Variants in BIN3 observed in about 807,000 individuals in gnomAD.
BIN3 encodes the protein bridging integrator 3.
BIN3 carries 41 observed loss-of-function variants against 38.2 expected under a neutral mutation model. The ratio of observed to expected loss-of-function variants is 1.07; its 90% confidence interval spans 0.84 to 1.39. BIN3 has a LOEUF of 1.39. BIN3 is among the 40% of genes most tolerant of loss of function. BIN3 has a pLI of 0.00. For missense variants in BIN3, 361 were observed against 324.3 expected (o/e 1.11, Z -0.87); for synonymous variants, 145 against 122.6 (o/e 1.18, Z -1.21).
At chr8:22,639,873 T>C (rs1196077497) in intron 2 of BIN3, among the ~76,000 whole-genome samples, 1 of 151,910 alleles carries the variant, frequency 6.6e-6, no homozygotes, top group African/African-American at 2.4e-5. Flanking sequence ...TTTTTTTTTT[T>C]CTTTTGAGGC....
intron 1 of BIN3, among the ~76,000 whole-genome samples, chr8:22,645,089 A>T (rs753745351): frequency 3.3e-5 from 5 of 152,062 alleles, no homozygotes; most frequent in Non-Finnish European, 7.4e-5. Context: ...AGGTGAGGCC[A>T]AGGAGTTTGA....
intron 6 of BIN3, among the ~76,000 whole-genome samples, chr8:22,628,001 T>A (rs1802059095): frequency 6.6e-6 from 1 of 152,226 alleles, no homozygotes; most frequent in African/African-American, 2.4e-5. Context: ...GCCCAATTCT[T>A]GTCTGTCCTA....
intron 1 of BIN3, among the ~76,000 whole-genome samples, chr8:22,645,321 A>C (rs560478594): frequency 4.1e-4 from 63 of 152,122 alleles, no homozygotes; most frequent in Non-Finnish European, 6.8e-4. Flanking sequence ...ACAAAAAAAC[A>C]ACCACCAAAA....
chr8:22,668,868 G>C (rs376484040), intron 1 of BIN3, among the ~76,000 whole-genome samples, 176 bp downstream of exon 1: 1 of 152,254 alleles, frequency 6.6e-6, no homozygotes, highest in Non-Finnish European at 1.5e-5. Context: ...CCTGCTGAGA[G>C]ACTGCGACTC....
chr8:22,634,815 TG>T (rs1416551812), intron 4 of BIN3, among the ~76,000 whole-genome samples: 1 of 151,846 alleles, frequency 6.6e-6, no homozygotes, highest in Admixed American at 6.6e-5. Flanking sequence ...AAGGAATGAG[TG>T]GGGCATGGGG....
chr8:22,640,178 TCTTC>T (rs988725717), intron 2 of BIN3, among the ~76,000 whole-genome samples: 4 of 147,702 alleles, frequency 2.7e-5, no homozygotes, highest in African/African-American at 7.9e-5. Flanking sequence ...GACACATCCT[TCTTC>T]TTCTTTTTTT....
intron 1 of BIN3, among the ~76,000 whole-genome samples, chr8:22,660,131 A>G (rs561934388): frequency 2.6e-5 from 4 of 152,352 alleles, no homozygotes; most frequent in Admixed American, 2.6e-4. Context: ...GATTTTGACA[A>G]AAGTGTGGAG....
rs1009687155 is a variant in BIN3, at chr8:22,621,056, G to C, written c.*366C>G. The C allele has an allele frequency of 1.1e-5, 2 of 189,960 alleles. No homozygotes were observed. Among genetic ancestry groups the C allele is most frequent in the African/African-American group, 2.4e-5 (1 of 42,538 alleles). 11.8% of individuals were successfully genotyped at this position (189,960 alleles called of 1,614,324 possible). A position where few individuals can be genotyped will look rare whatever the true frequency, so the allele number is the denominator to read the frequency against. ...GGCTCCCCAGGATGGGTCTTTTGGA[G>C]GTAGATTTGATGCCCACAACGCATG... is the stretch of plus-strand genomic sequence containing the variant. On this transcript the variant is annotated 3_prime_UTR_variant, in exon 9 of 9. Transcript: ENST00000276416.
intron 4 of BIN3, among the ~76,000 whole-genome samples, chr8:22,632,507 CTG>C (rs1424413307): frequency 5.9e-5 from 9 of 152,100 alleles, no homozygotes; most frequent in African/African-American, 2.2e-4. Flanking sequence ...TGGAGTGACT[CTG>C]TAGATTTAGG....
At chr8:22,649,859 C>CACACATA (rs1563973928) in intron 1 of BIN3, among the ~76,000 whole-genome samples, 1 of 133,592 alleles carries the variant, frequency 7.5e-6, no homozygotes, top group Non-Finnish European at 1.5e-5. Context: ...ACACACACAC[C>CACACATA]CCCAAAGGAA....
intron 6 of BIN3, chr8:22,625,379 G>A (rs1220709606): frequency 1.4e-6 from 1 of 702,582 alleles, no homozygotes; most frequent in South Asian, 1.5e-5. Context: ...GTGGCCATTC[G>A]GAGGTGACCC....
intron 6 of BIN3, 77 bp from the exon 7 acceptor site, chr8:22,624,440 G>A (rs1484080891): frequency 1.3e-6 from 2 of 1,549,636 alleles, no homozygotes; most frequent in African/African-American, 2.7e-5. Context: ...CTCTTGGAGG[G>A]GTGGCCTGGC....
intron 1 of BIN3, among the ~76,000 whole-genome samples, chr8:22,645,182 A>G (rs1802677823): frequency 1.3e-5 from 2 of 149,358 alleles, no homozygotes; most frequent in South Asian, 4.2e-4. Context: ...AAAAAAAAAA[A>G]TCCGCTGGGT....
chr8:22,661,539 G>C (rs1803238430), intron 1 of BIN3, among the ~76,000 whole-genome samples: 1 of 151,260 alleles, frequency 6.6e-6, no homozygotes. Flanking sequence ...TGTATTTTTA[G>C]TAGAGATGGG....
chr8:22,647,378 C>G (rs1585195601), intron 1 of BIN3, among the ~76,000 whole-genome samples: 1 of 152,252 alleles, frequency 6.6e-6, no homozygotes, highest in East Asian at 1.9e-4. Flanking sequence ...CAACCCTCTC[C>G]TTTTGTAGAT....
At chr8:22,651,549 T>C (rs1397585539) in intron 1 of BIN3, among the ~76,000 whole-genome samples, 1 of 152,212 alleles carries the variant, frequency 6.6e-6, no homozygotes, top group Non-Finnish European at 1.5e-5. Flanking sequence ...TAAAACCTTG[T>C]TCTTCTACCT....
At chr8:22,661,118 C>T (rs1385992749) in intron 1 of BIN3, among the ~76,000 whole-genome samples, 2 of 152,126 alleles carry the variant, frequency 1.3e-5, no homozygotes, top group African/African-American at 4.8e-5. Context: ...CTCCTGGACT[C>T]AAGCGATCCT....
chr8:22,629,146 A>G (rs1802099055), intron 6 of BIN3, among the ~76,000 whole-genome samples: 1 of 152,228 alleles, frequency 6.6e-6, no homozygotes, highest in African/African-American at 2.4e-5. Context: ...TGCAGGATCA[A>G]AAACTGCTCC....
At chr8:22,659,506 C>T (rs752934466) in intron 1 of BIN3, among the ~76,000 whole-genome samples, 1 of 152,238 alleles carries the variant, frequency 6.6e-6, no homozygotes, top group Non-Finnish European at 1.5e-5. Context: ...CAGAATGAAG[C>T]ACACAACGTT....
Sources: allele counts gnomAD v4.1 joint callset (sites outside exome capture counted in the v4.1 genomes callset), GRCh38; gene constraint gnomAD v4.1.1; transcripts MANE v1.5; gene names NCBI Gene and HGNC (gene_info 2026-07-23, HGNC 2026-07-21).